The following KATNA1 variants were observed in gnomAD, a reference collection of about 807,000 sequenced individuals.
KATNA1 encodes the protein katanin catalytic subunit A1.
A neutral mutation model predicts 62.6 loss-of-function variants in KATNA1; 42 were observed. The ratio of observed to expected loss-of-function variants is 0.67; its 90% confidence interval spans 0.52 to 0.87. The LOEUF (loss-of-function observed/expected upper bound fraction) is 0.87. KATNA1 is among the 40% of genes least tolerant of loss of function. KATNA1 has a pLI of 0.00. For missense variants in KATNA1, 498 were observed against 612.5 expected (o/e 0.81, Z 1.97); for synonymous variants, 186 against 201.9 (o/e 0.92, Z 0.67).
intron 2 of KATNA1, among the ~76,000 whole-genome samples, chr6:149,638,104 T>C (rs1457634798): frequency 6.6e-6 from 1 of 152,122 alleles, no homozygotes; most frequent in East Asian, 1.9e-4. Context: ...ACCTCCCTAG[T>C]AGCTAGGACT....
chr6:149,606,616 C>CTT (rs900353338), intron 4 of KATNA1, among the ~76,000 whole-genome samples: 21 of 136,420 alleles, frequency 1.5e-4, no homozygotes, highest in African/African-American at 2.4e-4. Flanking sequence ...AACTGTGTAA[C>CTT]TTTTTTTTTT....
At chr6:149,613,312 A>G (rs1424552294) in intron 4 of KATNA1, among the ~76,000 whole-genome samples, 2 of 151,778 alleles carry the variant, frequency 1.3e-5, no homozygotes, top group African/African-American at 4.8e-5. Flanking sequence ...ACAGGAACAC[A>G]GCAAGGACAT....
At chr6:149,602,781 G>C (rs1778599078) in intron 6 of KATNA1, among the ~76,000 whole-genome samples, 1 of 151,184 alleles carries the variant, frequency 6.6e-6, no homozygotes, top group Non-Finnish European at 1.5e-5. Flanking sequence ...GAGTGCAATG[G>C]CGTGATCTCA....
intron 2 of KATNA1, among the ~76,000 whole-genome samples, chr6:149,636,048 T>C (rs1780054638): frequency 1.3e-5 from 2 of 149,982 alleles, no homozygotes; most frequent in South Asian, 4.3e-4. Flanking sequence ...AGTGAGAAAA[T>C]CCATCTCAAA....
chr6:149,638,375 A>G lies in KATNA1; in HGVS notation c.162+11T>C, dbSNP rs1257291406. 1.9e-6 allele frequency: 3 copies of G among 1,609,198 alleles called. No homozygotes were observed. Among genetic ancestry groups the G allele is most frequent in the East Asian group, 2.2e-5 (1 of 44,832 alleles). On this transcript the variant is annotated intron_variant, in intron 2 of 10. Coordinates refer to ENST00000367411, the MANE Select transcript of KATNA1 (RefSeq NM_007044.4). ...TAAGCCATTAAAACATACAGCAGCCATTACTCTCACCTGTTGCCATTTCTG... is the reference window on the plus strand; with the variant it reads ...TAAGCCATTAAAACATACAGCAGCCGTTACTCTCACCTGTTGCCATTTCTG...
chr6:149,642,394 T>C (rs917801729), intron 1 of KATNA1, among the ~76,000 whole-genome samples: 3 of 152,170 alleles, frequency 2.0e-5, no homozygotes, highest in African/African-American at 7.2e-5. Flanking sequence ...CACACACATA[T>C]ATATGTATAT....
chr6:149,616,441 A>C (rs550225713), intron 4 of KATNA1, among the ~76,000 whole-genome samples: 2 of 152,300 alleles, frequency 1.3e-5, no homozygotes, highest in Admixed American at 1.3e-4. Flanking sequence ...GCCACTGTGG[A>C]AAACAGTTTT....
intron 1 of KATNA1, among the ~76,000 whole-genome samples, chr6:149,641,317 C>T (rs9285522): frequency 0.4 from 60,556 of 151,326 alleles, 12,947 homozygotes; most frequent in East Asian, 0.81. Context: ...GCTGGGACTA[C>T]AGGCGCCCAC....
At chr6:149,605,983 C>T (rs1356804143) in intron 4 of KATNA1, among the ~76,000 whole-genome samples, 1 of 152,146 alleles carries the variant, frequency 6.6e-6, no homozygotes, top group African/African-American at 2.4e-5. Context: ...TAGTCTTGAA[C>T]TGCTGACCTC....
intron 10 of KATNA1, 54 bp from the exon 11 acceptor site, chr6:149,595,288 T>G (rs1277714785): frequency 1.4e-6 from 2 of 1,463,622 alleles, no homozygotes; most frequent in Admixed American, 3.9e-5. Flanking sequence ...TTTGGTTAAA[T>G]GAAAACCTGT....
At chr6:149,607,847 C>T (rs1213701478) in intron 4 of KATNA1, among the ~76,000 whole-genome samples, 2 of 152,030 alleles carry the variant, frequency 1.3e-5, no homozygotes, top group African/African-American at 4.8e-5. Context: ...AGGCAGATCA[C>T]CTTAGGTCAG....
At chr6:149,640,283 C>T (rs1438503830) in intron 1 of KATNA1, among the ~76,000 whole-genome samples, 1 of 151,742 alleles carries the variant, frequency 6.6e-6, no homozygotes, top group African/African-American at 2.4e-5. Flanking sequence ...ACGGCAAAAC[C>T]CCATCTCTAC....
rs1169921380 is a variant in KATNA1 at position 149,638,503 on chromosome 6, T to C, written c.45A>G (p.Glu15=). 1.2e-6 allele frequency: 2 copies of C among 1,613,658 alleles called. No homozygotes were observed. Among genetic ancestry groups the C allele is most frequent in the African/African-American group, 2.7e-5 (2 of 74,876 alleles). The change falls in exon 2 of 11, where the codon GAA becomes GAG. Residue 15 remains glutamate (E), a synonymous_variant. Transcript: ENST00000367411. ...AGTCATAGTTTCCCAGCAATGCATA[T>C]TCACGAGCCAATTTTACATTCTCAC... is the stretch of plus-strand genomic sequence containing the variant. The part of the protein sequence containing the change: ...MISENVKLAR[E]YALLGNYDSA...
intron 3 of KATNA1, among the ~76,000 whole-genome samples, chr6:149,626,880 A>T (rs1779632599): frequency 6.6e-6 from 1 of 151,598 alleles, no homozygotes; most frequent in Admixed American, 6.6e-5. Flanking sequence ...GTTACTTGGA[A>T]AGCTGAGGCG....
intron 2 of KATNA1, among the ~76,000 whole-genome samples, chr6:149,638,012 G>C (rs758230308): frequency 1.3e-5 from 2 of 152,130 alleles, no homozygotes; most frequent in Non-Finnish European, 2.9e-5. Flanking sequence ...GTCTAGCTCT[G>C]TTGCCCAGGC....
chr6:149,618,577 A>G (rs2115114004), intron 4 of KATNA1, among the ~76,000 whole-genome samples: 1 of 152,332 alleles, frequency 6.6e-6, no homozygotes, highest in South Asian at 2.1e-4. Context: ...ACACTACTTG[A>G]CCCTAAACTG....
At chr6:149,640,642 G>A (rs1358225534) in intron 1 of KATNA1, among the ~76,000 whole-genome samples, 3 of 152,010 alleles carry the variant, frequency 2.0e-5, no homozygotes, top group African/African-American at 7.2e-5. Context: ...CTGCCTCCCA[G>A]GTTCAAGCGA....
At chr6:149,629,987 G>A (rs1476637712) in intron 3 of KATNA1, among the ~76,000 whole-genome samples, 1 of 152,092 alleles carries the variant, frequency 6.6e-6, no homozygotes, top group Non-Finnish European at 1.5e-5. Context: ...CACAGTACCT[G>A]GCACACAGTA....
chr6:149,633,812 C>T (rs185308015), intron 2 of KATNA1, among the ~76,000 whole-genome samples: 2 of 151,724 alleles, frequency 1.3e-5, no homozygotes, highest in Admixed American at 6.6e-5. Flanking sequence ...ATTGCATAGC[C>T]GGGTGTGGTG....
Sources: gnomAD v4.1 joint callset for allele counts (sites outside exome capture counted in the v4.1 genomes callset) on GRCh38, gnomAD v4.1.1 for gene constraint, MANE v1.5 for transcripts, NCBI Gene and HGNC (gene_info 2026-07-23, HGNC 2026-07-21) for gene names.